Variants in STXBP5L observed in about 807,000 individuals in gnomAD.
STXBP5L encodes syntaxin-binding protein 5-like.
Under a neutral mutation model 144.5 loss-of-function variants are expected in STXBP5L, and 65 were observed. The ratio of observed to expected loss-of-function variants is 0.45; its 90% CI spans 0.37 to 0.55. The LOEUF (loss-of-function observed/expected upper bound fraction) is 0.55. Among genes scored for constraint, STXBP5L ranks in the 20% least tolerant of loss-of-function variants. The probability of loss-of-function intolerance (pLI) is 0.00; values close to 1 mark genes in which losing one functional copy is unlikely to be tolerated. For synonymous variants in STXBP5L, 505 were observed against 469.6 expected (o/e 1.08, Z -0.97); for missense variants, 1,298 against 1,405.5 (o/e 0.92, Z 1.22).
At chr3:121,015,545 C>T (rs1945084139) in intron 3 of STXBP5L, among the ~76,000 whole-genome samples, 2 of 152,092 alleles carry the variant, frequency 1.3e-5, no homozygotes, top group Non-Finnish European at 2.9e-5. Flanking sequence ...GTGGGACTAG[C>T]ATGAGAATGA....
At chr3:121,199,531 G>A (rs899516773) in intron 9 of STXBP5L, among the ~76,000 whole-genome samples, 1 of 152,160 alleles carries the variant, frequency 6.6e-6, no homozygotes, top group African/African-American at 2.4e-5. Context: ...GAATAGGAGT[G>A]GTGAGAGACC....
chr3:120,936,702 C>T (rs1018951917), intron 2 of STXBP5L, among the ~76,000 whole-genome samples: 5 of 151,938 alleles, frequency 3.3e-5, no homozygotes, highest in African/African-American at 1.2e-4. Context: ...CTCCACCTCC[C>T]GGGTTTATGC....
At chr3:121,224,368 G>GATCAATAAATAAATAAA (rs2049056677) in intron 11 of STXBP5L, among the ~76,000 whole-genome samples, 1 of 152,070 alleles carries the variant, frequency 6.6e-6, no homozygotes, top group East Asian at 1.9e-4. Flanking sequence ...AATAATCAAT[G>GATCAATAAATAAATAAA]TAGCACTTTA....
At chr3:121,236,586 G>A (rs946560443) in intron 12 of STXBP5L, among the ~76,000 whole-genome samples, 3 of 152,140 alleles carry the variant, frequency 2.0e-5, no homozygotes, top group Admixed American at 1.3e-4. Context: ...GTGGGAACTC[G>A]TCCTTAAGGG....
Position 121,272,596 on chromosome 3 carries a change from T to C in STXBP5L, c.1959-7209T>C, listed in dbSNP as rs758143205. 3.3e-5 allele frequency among the ~76,000 whole-genome samples: 5 copies of C among 152,300 alleles called. No individual in the cohort carries two copies. In the East Asian group the frequency reaches 9.6e-4, roughly 29 times the overall value. On this transcript the variant is annotated intron_variant, in intron 18 of 26. Transcript: ENST00000471454. The stretch of plus-strand genomic sequence containing the variant: ...GCCACTCTTCCTTTTGTTTGGAGAA[T>C]TTAAACAATTTACATTTAAAGTAAT...
At chr3:121,033,543 A>C (rs9289155) in intron 3 of STXBP5L, among the ~76,000 whole-genome samples, 64,350 of 139,100 alleles carry the variant, frequency 0.46, 15,393 homozygotes, top group African/African-American at 0.55. Flanking sequence ...GCACAATGTG[A>C]ACATGTACCC....
intron 3 of STXBP5L, among the ~76,000 whole-genome samples, chr3:120,960,213 C>T (rs559601093): frequency 6.6e-6 from 1 of 152,276 alleles, no homozygotes; most frequent in East Asian, 1.9e-4. Flanking sequence ...AATGAGATAC[C>T]ATCTCATGCC....
intron 15 of STXBP5L, among the ~76,000 whole-genome samples, chr3:121,252,677 ATAT>A (rs1357272025): frequency 6.6e-6 from 1 of 152,188 alleles, no homozygotes; most frequent in African/African-American, 2.4e-5. Flanking sequence ...AACTGAGTTT[ATAT>A]TATTATGTAT....
chr3:121,092,080 A>G (rs1469910793), intron 5 of STXBP5L, among the ~76,000 whole-genome samples: 1 of 152,140 alleles, frequency 6.6e-6, no homozygotes, highest in Non-Finnish European at 1.5e-5. Flanking sequence ...AAGATCAGAT[A>G]GTTGTAGATA....
chr3:121,036,487 G>T (rs182079712), intron 3 of STXBP5L, among the ~76,000 whole-genome samples: 56 of 152,034 alleles, frequency 3.7e-4, no homozygotes, highest in African/African-American at 1.3e-3. Context: ...TCACCTTAAT[G>T]CACTTGATAG....
chr3:121,305,799 G>A lies in STXBP5L; in HGVS notation c.2111-12676G>A, dbSNP rs922771196. ...GTTCATAACCTAGTAAGGACAAAAAGCAAGATTAAAAAATTATATGCCTAA... is the reference window on the plus strand; with the variant it reads ...GTTCATAACCTAGTAAGGACAAAAAACAAGATTAAAAAATTATATGCCTAA... On this transcript the variant is annotated intron_variant, in intron 19 of 26. Coordinates refer to ENST00000471454, the MANE Select transcript of STXBP5L (RefSeq NM_001308330.2). 4.6e-5 allele frequency among the ~76,000 whole-genome samples: 7 copies of A among 152,062 alleles called. No homozygotes were observed. In the East Asian group the frequency reaches 1.4e-3, roughly 29 times the overall value.
intron 5 of STXBP5L, among the ~76,000 whole-genome samples, chr3:121,087,809 G>A (rs1304455712): frequency 6.6e-6 from 1 of 151,560 alleles, no homozygotes; most frequent in Non-Finnish European, 1.5e-5. Flanking sequence ...CTTATTATTA[G>A]TTAATTTTAG....
chr3:121,138,231 A>G (rs1278619288), intron 7 of STXBP5L, among the ~76,000 whole-genome samples: 1 of 152,094 alleles, frequency 6.6e-6, no homozygotes, highest in Non-Finnish European at 1.5e-5. Flanking sequence ...TACATTGGAA[A>G]TTATAAGACA....
At chr3:121,303,744 T>C (rs1277235236) in intron 19 of STXBP5L, among the ~76,000 whole-genome samples, 2 of 152,066 alleles carry the variant, frequency 1.3e-5, no homozygotes, top group Non-Finnish European at 2.9e-5. Context: ...TGGATGAAGC[T>C]GGAAACCATC....
chr3:121,271,403 G>A (rs1394863610), intron 18 of STXBP5L, among the ~76,000 whole-genome samples: 2 of 152,028 alleles, frequency 1.3e-5, no homozygotes, highest in Non-Finnish European at 2.9e-5. Flanking sequence ...TGTTCAATAT[G>A]TATCTTGTAT....
chr3:121,402,942 A>G (rs959210805), intron 22 of STXBP5L, among the ~76,000 whole-genome samples: 1 of 152,054 alleles, frequency 6.6e-6, no homozygotes, highest in Non-Finnish European at 1.5e-5. Flanking sequence ...CGATCCTCCC[A>G]TCTCAGCCAC....
At chr3:121,277,751 T>G (rs1181209527) in intron 18 of STXBP5L, among the ~76,000 whole-genome samples, 4 of 152,166 alleles carry the variant, frequency 2.6e-5, no homozygotes, top group Admixed American at 2.0e-4. Context: ...GTGTTCAACT[T>G]TTTCCTGGAA....
chr3:121,063,122 G>T (rs1474909689), intron 5 of STXBP5L, among the ~76,000 whole-genome samples: 1 of 152,106 alleles, frequency 6.6e-6, no homozygotes, highest in East Asian at 1.9e-4. Flanking sequence ...TTTTTGCGCT[G>T]GCTTCTCCCC....
intron 5 of STXBP5L, among the ~76,000 whole-genome samples, chr3:121,101,895 G>T (rs1395174339): frequency 1.3e-5 from 2 of 150,588 alleles, no homozygotes; most frequent in African/African-American, 2.4e-5. Flanking sequence ...CGGATACAAA[G>T]TCAGTAGCAT....
Sources: gnomAD v4.1 joint callset for allele counts (sites outside exome capture counted in the v4.1 genomes callset) on GRCh38, gnomAD v4.1.1 for gene constraint, MANE v1.5 for transcripts, NCBI Gene and HGNC (gene_info 2026-07-23, HGNC 2026-07-21) for gene names.